The following GLMN variants were observed in gnomAD, a reference collection of about 807,000 sequenced individuals.
GLMN encodes the protein glomulin.
In GLMN, 75 loss-of-function variants were observed where a neutral mutation model predicts 87.8. That is an observed-to-expected ratio of 0.85 (90% CI 0.71 to 1.04). The LOEUF is 1.04. Among genes scored for constraint, GLMN ranks in the 50% least tolerant of loss-of-function variants. The probability of loss-of-function intolerance (pLI) is 0.00; values close to 1 mark genes in which losing one functional copy is unlikely to be tolerated. For synonymous variants in GLMN, 206 were observed against 221.6 expected (o/e 0.93, Z 0.63); for missense variants, 588 against 658.8 (o/e 0.89, Z 1.18).
At chr1:92,368,676 A>C in the GLMN span, among the ~76,000 whole-genome samples, 17 of 152,326 alleles carry the variant, frequency 1.1e-4, no homozygotes, top group African/African-American at 3.4e-4. Context: ...CCAAACTTGG[A>C]AACTCTTCTT....
rs759810591 is a variant in GLMN, at chr1:92,297,980, T to C, written c.20A>G (p.Gln7Arg). The change falls in exon 2 of 19, where the codon CAG becomes CGG. Residue 7 changes from glutamine to arginine, a missense_variant. Coordinates refer to ENST00000370360, the MANE Select transcript of GLMN (RefSeq NM_053274.3). ...ACTTACACATCTCTTTATTATAGAC[T>C]GAAGTTCCTCTACAGCCATTCTTAT... MAVEEL[Q>R]SIIKRCQILE... The C allele has an allele frequency of 2.0e-6, 3 of 1,494,728 alleles. No individual in the cohort carries two copies. In the South Asian group the frequency reaches 3.4e-5, roughly 17 times the overall value. The allele number at this position is 1,494,728 out of a possible 1,614,324, so 92.6% of individuals were successfully genotyped here.
the GLMN span, among the ~76,000 whole-genome samples, chr1:92,362,223 T>G: frequency 6.6e-6 from 1 of 152,202 alleles, no homozygotes; most frequent in Admixed American, 6.5e-5. Context: ...TCCTCTGTTG[T>G]TAAACACTTC....
chr1:92,358,291 A>G, the GLMN span, among the ~76,000 whole-genome samples: 1 of 151,916 alleles, frequency 6.6e-6, no homozygotes, highest in East Asian at 1.9e-4. Context: ...ACCTTCTTTC[A>G]TATGTTTCTC....
At chr1:92,348,790 A>G in the GLMN span, among the ~76,000 whole-genome samples, 1 of 152,220 alleles carries the variant, frequency 6.6e-6, no homozygotes, top group Non-Finnish European at 1.5e-5. Context: ...ACTTCTATAA[A>G]GTATAATTAT....
the GLMN span, among the ~76,000 whole-genome samples, chr1:92,333,725 C>A: frequency 6.6e-6 from 1 of 152,160 alleles, no homozygotes; most frequent in Non-Finnish European, 1.5e-5. Context: ...GAAGACCAAA[C>A]TACCTTACTC....
chr1:92,304,076 G>A, the GLMN span: 1 of 1,584,778 alleles, frequency 6.3e-7, no homozygotes, highest in East Asian at 2.2e-5. Context: ...GCTGGGAATT[G>A]TAAGTAACTC....
the GLMN span, among the ~76,000 whole-genome samples, chr1:92,347,622 T>C: frequency 2.6e-5 from 4 of 152,208 alleles, no homozygotes; most frequent in African/African-American, 9.6e-5. Flanking sequence ...TGAAAAAGTA[T>C]GGAAAATGAA....
At position 92,256,523 on chromosome 1, in the gene GLMN, A is replaced by C. The variant is rs537411539; in HGVS notation, c.1473+6340T>G. On this transcript the variant is annotated intron_variant, in intron 16 of 18. Transcript: ENST00000370360. ...ATCCTTAATAAAATACTGGCAAACC[A>C]AATATAGCAGCACATCAAAAAGCTT... Among the ~76,000 whole-genome samples, 161 of 152,278 alleles carry C rather than the reference A, an allele frequency of 1.1e-3. 2 individuals are homozygous for C. The South Asian group carries it at 0.012, about 11-fold the overall frequency.
chr1:92,336,236 G>A, the GLMN span: 2 of 700,268 alleles, frequency 2.9e-6, no homozygotes, highest in Non-Finnish European at 5.0e-6. Context: ...AATCATGACT[G>A]CTTCCATCTA....
the GLMN span, among the ~76,000 whole-genome samples, chr1:92,323,104 G>C: frequency 6.9e-6 from 1 of 145,392 alleles, no homozygotes; most frequent in Admixed American, 6.9e-5. Flanking sequence ...TGCAACAACA[G>C]GCAAATCCAA....
At chr1:92,295,988 T>A (rs978824093) in intron 3 of GLMN, among the ~76,000 whole-genome samples, 1 of 152,196 alleles carries the variant, frequency 6.6e-6, no homozygotes, top group Non-Finnish European at 1.5e-5. Flanking sequence ...ATTTATTATA[T>A]TGGAGGTTAC....
chr1:92,304,949 C>A, the GLMN span, among the ~76,000 whole-genome samples: 1 of 151,892 alleles, frequency 6.6e-6, no homozygotes, highest in Non-Finnish European at 1.5e-5. Context: ...CCAGCCTGGG[C>A]AACGGCAAAA....
upstream of GLMN, chr1:92,300,151 C>A: frequency 1.4e-6 from 2 of 1,427,918 alleles, no homozygotes; most frequent in Non-Finnish European, 9.8e-7. Context: ...CCGTCGTTTA[C>A]GGAAATGTCA....
rs772455875 is a variant in GLMN, at chr1:92,289,066, TG to T, written c.479del (p.Pro160HisfsTer21). ...LWNQLSLLPV[P>X]YSKEQIQMDD... The stretch of plus-strand genomic sequence containing the variant: ...CCATTTGTATTTGTTCTTTTGAGTA[TG>T]GAACAGGAAGAAGAGATAGCTGATT... On this transcript the variant is annotated frameshift_variant, in exon 6 of 19. Transcript: ENST00000370360. LOFTEE classifies it high-confidence loss of function. 1.9e-6 allele frequency: 3 copies of T among 1,611,562 alleles called. No individual in the cohort carries two copies. Among genetic ancestry groups the T allele is most frequent in the South Asian group, 1.1e-5 (1 of 91,026 alleles).
upstream of GLMN, chr1:92,301,361 A>C: frequency 2.0e-5 from 8 of 390,574 alleles, no homozygotes; most frequent in Non-Finnish European, 2.2e-5. Context: ...AAAATTTTTT[A>C]AATATATTTA....
the GLMN span, among the ~76,000 whole-genome samples, chr1:92,305,049 C>T: frequency 4.6e-5 from 7 of 151,904 alleles, no homozygotes; most frequent in Non-Finnish European, 7.4e-5. Context: ...GCACATGCAT[C>T]GCATGAACCT....
chr1:92,260,026 C>T (rs998100997), intron 16 of GLMN, among the ~76,000 whole-genome samples: 2 of 152,078 alleles, frequency 1.3e-5, no homozygotes, highest in East Asian at 1.9e-4. Flanking sequence ...TGAGCCACCA[C>T]GCCCAGCCCA....
In GLMN at chr1:92,294,741, C is replaced by T. The variant is rs187147111; in HGVS notation, c.165+2663G>A. On this transcript the variant is annotated intron_variant, in intron 3 of 18. Coordinates refer to ENST00000370360, the MANE Select transcript of GLMN (RefSeq NM_053274.3). ...TTTCCCAGGCTGGAGTGCAGTGGTA[C>T]GATCTTGGCTCACTGCAGCCTCCAC... Among the ~76,000 whole-genome samples the T allele has an allele frequency of 3.2e-4, 49 of 152,062 alleles. 1 individual carries two copies. In the East Asian group the frequency reaches 8.0e-3, roughly 25 times the overall value.
upstream of GLMN, among the ~76,000 whole-genome samples, chr1:92,299,605 A>G (rs572125219): frequency 6.6e-6 from 1 of 152,248 alleles, no homozygotes; most frequent in East Asian, 1.9e-4. Flanking sequence ...AAGTACCCAG[A>G]TCTCAGATTT....
Sources: allele counts gnomAD v4.1 joint callset (sites outside exome capture counted in the v4.1 genomes callset), GRCh38; gene constraint gnomAD v4.1.1; transcripts MANE v1.5; gene names NCBI Gene and HGNC (gene_info 2026-07-23, HGNC 2026-07-21).